LGI3: variants seen among roughly 807,000 people sequenced by gnomAD.
LGI3 encodes the protein leucine-rich repeat LGI family member 3.
LGI3 carries 47 observed loss-of-function variants against 55.4 expected under a neutral mutation model. That is an observed-to-expected ratio of 0.85 (90% CI 0.67 to 1.08). The LOEUF is 1.08. Among genes scored for constraint, LGI3 ranks in the 50% least tolerant of loss-of-function variants. LGI3 has a pLI of 0.00. For missense variants in LGI3, 664 were observed against 726.3 expected (o/e 0.91, Z 0.99); for synonymous variants, 326 against 315.0 (o/e 1.04, Z -0.37).
rs1284019591 is a variant in LGI3 at position 22,147,352 on chromosome 8, A to G, written c.*808T>C. 2 of 152,034 alleles carry G rather than the reference A, an allele frequency of 1.3e-5. No homozygotes were observed. The highest frequency in any genetic ancestry group is 4.8e-5 in the African/African-American group (2 of 41,366). The allele number at this position is 152,034 out of a possible 1,614,324, so 9.4% of individuals were successfully genotyped here. A position where few individuals can be genotyped will look rare whatever the true frequency, so the allele number is the denominator to read the frequency against. ...AACGCCAAGGAGAACAGAGACAGAC[A>G]CCCCTGGCAGCTCCCCGGGATTGCT... On this transcript the variant is annotated 3_prime_UTR_variant, in exon 8 of 8. Coordinates refer to ENST00000306317, the MANE Select transcript of LGI3 (RefSeq NM_139278.4).
In LGI3 at chr8:22,156,539, C is replaced by T; in HGVS notation, c.4G>A (p.Ala2Thr). The change falls in exon 1 of 8, where the codon GCG becomes ACG. Residue 2 changes from alanine (A) to threonine (T), a missense_variant. Coordinates refer to ENST00000306317, the MANE Select transcript of LGI3 (RefSeq NM_139278.4). Reference sequence around the variant, plus strand: ...GGGCCCCCCCTGGCCCGCAGCCCCGCCATGCTGCCCGCGATCTCTCCCTGG... The same window carrying T: ...GGGCCCCCCCTGGCCCGCAGCCCCGTCATGCTGCCCGCGATCTCTCCCTGG... M[A>T]GLRARGGPGP... 7.9e-7 allele frequency: 1 copy of T among 1,267,820 alleles called. No individual in the cohort carries two copies. Among genetic ancestry groups the T allele is most frequent in the Non-Finnish European group, 1.0e-6 (1 of 985,018 alleles). The allele number at this position is 1,267,820 out of a possible 1,614,324, so 78.5% of individuals were successfully genotyped here.
At chr8:22,156,100 A>ATGATGATTCATTCTTGGTGG (rs1440844721) in intron 1 of LGI3, among the ~76,000 whole-genome samples, 3 of 152,108 alleles carry the variant, frequency 2.0e-5, no homozygotes, top group Admixed American at 2.0e-4. Flanking sequence ...GCTCGTGGTG[A>ATGATGATTCATTCTTGGTGG]TGATGATTCA....
At position 22,151,981 on chromosome 8, in the gene LGI3, G is replaced by T. The variant is rs752605753; in HGVS notation, c.514C>A (p.Leu172Ile). 1 of 1,606,536 alleles carries T rather than the reference G, an allele frequency of 6.2e-7. No individual in the cohort carries two copies. Among genetic ancestry groups the T allele is most frequent in the East Asian group, 2.2e-5 (1 of 44,744 alleles). The change falls in exon 6 of 8, where the codon CTC (leucine) becomes ATC (isoleucine). Residue 172 changes from leucine (L) to isoleucine (I), a missense_variant. Coordinates refer to ENST00000306317, the MANE Select transcript of LGI3 (RefSeq NM_139278.4). ...CACTTCACCTTGCAGTCACAGTTGA[G>T]TGAGTTGCCCCGCAGGTCCCTGCAT... is the stretch of plus-strand genomic sequence containing the variant. The part of the protein sequence containing the change: ...LNDLDLRGNS[L>I]NCDCKVKWLV...
chr8:22,155,193 T>TA (rs1827470803), intron 2 of LGI3, 199 bp downstream of exon 2: 1 of 601,722 alleles, frequency 1.7e-6, no homozygotes, highest in Admixed American at 2.9e-5. Flanking sequence ...CATCCCTAGC[T>TA]GTCCTCCTGC....
intron 7 of LGI3, 150 bp downstream of exon 7, chr8:22,151,339 G>T: frequency 1.4e-6 from 1 of 703,190 alleles, no homozygotes; most frequent in Non-Finnish European, 2.5e-6. Context: ...TGTATACATT[G>T]GCCTCTTCCC....
At chr8:22,154,831 C>T in intron 2 of LGI3, 200 bp from the exon 3 acceptor site, 1 of 579,068 alleles carries the variant, frequency 1.7e-6, no homozygotes, top group Non-Finnish European at 3.1e-6. Flanking sequence ...CCCAGGGTCC[C>T]TGTTGGATCC....
In LGI3 at chr8:22,155,572, C is replaced by T. The variant is rs1037328190; in HGVS notation, c.207-109G>A. ...TTTGTACTCACTTGCCCTGGAAATG[C>T]CCCATTTCACCTAATTTAGCCCCCA... On this transcript the variant is annotated intron_variant, in intron 1 of 7. Transcript: ENST00000306317. 2.0e-5 allele frequency: 17 copies of T among 857,046 alleles called. No individual in the cohort carries two copies. The Admixed American group carries it at 2.8e-4, about 14-fold the overall frequency. The allele number at this position is 857,046 out of a possible 1,614,324, so 53.1% of individuals were successfully genotyped here. A position where few individuals can be genotyped will look rare whatever the true frequency, so the allele number is the denominator to read the frequency against.
In LGI3 at chr8:22,151,925, G is replaced by A; in HGVS notation, c.570C>T (p.Thr190=). 3 of 1,613,168 alleles carry A rather than the reference G, an allele frequency of 1.9e-6. No homozygotes were observed. Among genetic ancestry groups the A allele is most frequent in the Non-Finnish European group, 2.5e-6 (3 of 1,179,896 alleles). ...TGGCGCAGTAGATGGGTGCCACCGT[G>A]GTGTTGGTGTGTGCCAGCCACTCCA... ...WLVEWLAHTN[T]TVAPIYCASP... is the part of the protein sequence containing the mutation. The change falls in exon 6 of 8, where the codon ACC becomes ACT. Residue 190 remains threonine, a synonymous_variant. Coordinates refer to ENST00000306317, the MANE Select transcript of LGI3 (RefSeq NM_139278.4).
chr8:22,155,539 C>A (rs1276378075), intron 1 of LGI3, 76 bp from the exon 2 acceptor site: 1 of 1,239,836 alleles, frequency 8.1e-7, no homozygotes, highest in South Asian at 1.2e-5. Context: ...ACACGGAGGG[C>A]AGTAGCTTTT....
At chr8:22,153,842 T>C in intron 5 of LGI3, 126 bp downstream of exon 5, 1 of 921,416 alleles carries the variant, frequency 1.1e-6, no homozygotes, top group Non-Finnish European at 1.8e-6. Flanking sequence ...CTCCTCAGGG[T>C]CCCCCCACCC....
At chr8:22,152,181 G>A (rs1441471747) in intron 5 of LGI3, among the ~76,000 whole-genome samples, 181 bp from the exon 6 acceptor site, 1 of 152,246 alleles carries the variant, frequency 6.6e-6, no homozygotes, top group Non-Finnish European at 1.5e-5. Flanking sequence ...CACAGACACA[G>A]GCTTGGCCAG....
At position 22,154,573 on chromosome 8, in the gene LGI3, G is replaced by T. The variant is rs781031534; in HGVS notation, c.337C>A (p.His113Asn). 3.7e-6 allele frequency: 6 copies of T among 1,613,878 alleles called. No homozygotes were observed. Among genetic ancestry groups the T allele is most frequent in the Non-Finnish European group, 5.1e-6 (6 of 1,179,814 alleles). Residue 113 changes from histidine to asparagine, a missense_variant, in exon 3 of 8, where the codon CAC (histidine) becomes AAC (asparagine). By Grantham distance (68) the His-to-Asn change is moderately conservative. Coordinates refer to ENST00000306317, the MANE Select transcript of LGI3 (RefSeq NM_139278.4). Reference protein sequence around the residue: ...IGDNAFTGLSHLQYLFIENND... With the variant: ...IGDNAFTGLSNLQYLFIENND... ...CCTCCCACACACAGATACTGCAGGT[G>T]CGACAGTCCTGTGAAGGCGTTGTCT... is the stretch of plus-strand genomic sequence containing the variant.
intron 7 of LGI3, 129 bp from the exon 8 acceptor site, chr8:22,149,106 C>A (rs1379949100): frequency 3.2e-6 from 2 of 634,296 alleles, no homozygotes; most frequent in Non-Finnish European, 5.4e-6. Context: ...CCATTCCACC[C>A]ACACTGAAGT....
At chr8:22,151,125 CG>C (rs1827371865) in intron 7 of LGI3, among the ~76,000 whole-genome samples, 1 of 152,086 alleles carries the variant, frequency 6.6e-6, no homozygotes, top group Non-Finnish European at 1.5e-5. Flanking sequence ...CCTCATTTCC[CG>C]GTCCATCTAA....
chr8:22,154,800 C>A (rs773324764), intron 2 of LGI3, 169 bp from the exon 3 acceptor site: 2 of 600,574 alleles, frequency 3.3e-6, no homozygotes, highest in Admixed American at 5.6e-5. Flanking sequence ...CAGGCAGGAG[C>A]CTGTTCTGGC....
chr8:22,153,879 A>T (rs1183863192), intron 5 of LGI3, 89 bp downstream of exon 5: 9 of 1,380,152 alleles, frequency 6.5e-6, no homozygotes, highest in Non-Finnish European at 9.3e-6. Flanking sequence ...TCAAGACCTT[A>T]TGACCATCCC....
chr8:22,151,902 G>A lies in LGI3; in HGVS notation c.593C>T (p.Ala198Val), dbSNP rs755882380. 1 of 1,613,354 alleles carries A rather than the reference G, an allele frequency of 6.2e-7. No homozygotes were observed. Residue 198 changes from alanine to valine, a missense_variant, in exon 6 of 8, where the codon GCC becomes GTC. Coordinates refer to ENST00000306317, the MANE Select transcript of LGI3 (RefSeq NM_139278.4). ...TNTTVAPIYC[A>V]SPPRFQEHKV... is the part of the protein sequence containing the mutation. ...GTGCTCCTGGAAGCGGGGCGGGCTG[G>A]CGCAGTAGATGGGTGCCACCGTGGT...
intron 7 of LGI3, among the ~76,000 whole-genome samples, chr8:22,150,656 C>T (rs547532384): frequency 1.1e-4 from 17 of 152,190 alleles, no homozygotes; most frequent in Admixed American, 2.0e-4. Context: ...CCGCACCTGG[C>T]GGTTTAACCC....
At chr8:22,156,308 A>G in intron 1 of LGI3, 29 bp downstream of exon 1, 1 of 1,607,324 alleles carries the variant, frequency 6.2e-7, no homozygotes, top group Non-Finnish European at 8.5e-7. Context: ...CTCCCTCCCC[A>G]ACCCCCAAGG....
Sources: gnomAD v4.1 joint callset for allele counts (sites outside exome capture counted in the v4.1 genomes callset) on GRCh38, gnomAD v4.1.1 for gene constraint, MANE v1.5 for transcripts, NCBI Gene and HGNC (gene_info 2026-07-23, HGNC 2026-07-21) for gene names.